The following CFAP299 variants were observed in gnomAD, a reference collection of about 807,000 sequenced individuals.
The protein encoded by CFAP299 is cilia and flagella associated protein 299.
A neutral mutation model predicts 27.0 loss-of-function variants in CFAP299; 21 were observed. That is an observed-to-expected ratio of 0.78 (90% CI 0.55 to 1.12). CFAP299 has a LOEUF of 1.12. Ranked by LOEUF, CFAP299 falls within the 50% of genes most tolerant of loss-of-function variation. CFAP299 has a pLI of 0.00. For synonymous variants in CFAP299, 104 were observed against 98.1 expected, an observed-to-expected ratio of 1.06 and a Z score of -0.36; for missense variants, 310 against 276.6, an observed-to-expected ratio of 1.12 and a Z score of -0.86.
intron 2 of CFAP299, among the ~76,000 whole-genome samples, chr4:80,373,447 AT>A (rs913557617): frequency 3.3e-5 from 5 of 152,138 alleles, no homozygotes; most frequent in East Asian, 1.9e-4. Flanking sequence ...GTGGTCACAT[AT>A]TTAGTCAACA....
At chr4:80,932,313 A>G (rs1467597869) in intron 4 of CFAP299, among the ~76,000 whole-genome samples, 5 of 152,182 alleles carry the variant, frequency 3.3e-5, no homozygotes, top group African/African-American at 1.2e-4. Context: ...ATATCCATAT[A>G]TTAAATTTCA....
chr4:80,387,875 G>T, intron 2 of CFAP299: 1 of 1,134,224 alleles, frequency 8.8e-7, no homozygotes, highest in Non-Finnish European at 1.3e-6. Flanking sequence ...AGCATTGGTG[G>T]AGAGTCAAAG....
At chr4:80,868,312 T>G (rs1230056144) in intron 3 of CFAP299, among the ~76,000 whole-genome samples, 1 of 152,222 alleles carries the variant, frequency 6.6e-6, no homozygotes, top group African/African-American at 2.4e-5. Flanking sequence ...CTGCAGAATT[T>G]CTTTGAGCAA....
intron 2 of CFAP299, among the ~76,000 whole-genome samples, chr4:80,391,195 A>G (rs1186344115): frequency 6.6e-6 from 1 of 152,110 alleles, no homozygotes; most frequent in Non-Finnish European, 1.5e-5. Flanking sequence ...GGGAGTGCAG[A>G]TATCTTTTCA....
chr4:80,664,871 G>A (rs1741069068), intron 3 of CFAP299, among the ~76,000 whole-genome samples: 1 of 152,120 alleles, frequency 6.6e-6, no homozygotes, highest in African/African-American at 2.4e-5. Context: ...GGCACCCAAG[G>A]GAATCTCTGT....
chr4:80,914,992 T>A (rs932878585), intron 4 of CFAP299, among the ~76,000 whole-genome samples: 1 of 152,004 alleles, frequency 6.6e-6, no homozygotes, highest in Non-Finnish European at 1.5e-5. Context: ...TATTATTTTA[T>A]TTTTTTCTTA....
chr4:80,686,479 C>CAAAA (rs1051937921), intron 3 of CFAP299, among the ~76,000 whole-genome samples: 1 of 152,124 alleles, frequency 6.6e-6, no homozygotes, highest in Non-Finnish European at 1.5e-5. Context: ...CTGACTTCTT[C>CAAAA]AAAACATCAG....
intron 2 of CFAP299, among the ~76,000 whole-genome samples, chr4:80,568,749 T>A (rs1258893906): frequency 6.6e-6 from 1 of 152,016 alleles, no homozygotes; most frequent in African/African-American, 2.4e-5. Context: ...GAGCACATGA[T>A]TTTTGAGTCT....
intron 4 of CFAP299, among the ~76,000 whole-genome samples, chr4:80,939,982 A>C (rs1206571526): frequency 2.6e-5 from 4 of 152,136 alleles, no homozygotes; most frequent in Admixed American, 1.3e-4. Flanking sequence ...TGAAGTATTT[A>C]ATCTTGTATA....
At chr4:80,326,587 G>A in the CFAP299 span, among the ~76,000 whole-genome samples, 2 of 152,138 alleles carry the variant, frequency 1.3e-5, no homozygotes, top group Admixed American at 6.5e-5. Context: ...ATGGCCAATC[G>A]CAATAGAAAA....
intron 3 of CFAP299, among the ~76,000 whole-genome samples, chr4:80,753,066 C>T (rs1725027369): frequency 6.6e-6 from 1 of 151,906 alleles, no homozygotes; most frequent in Non-Finnish European, 1.5e-5. Context: ...AATGCCTTCC[C>T]TTATTCCATT....
At chr4:80,407,642 A>G (rs2110057311) in intron 2 of CFAP299, among the ~76,000 whole-genome samples, 1 of 152,320 alleles carries the variant, frequency 6.6e-6, no homozygotes, top group East Asian at 1.9e-4. Context: ...GGGTGAAGAA[A>G]TAGATTCCAC....
chr4:80,345,168 G>C (rs564102225), intron 1 of CFAP299, among the ~76,000 whole-genome samples: 26 of 152,086 alleles, frequency 1.7e-4, no homozygotes, highest in African/African-American at 2.7e-4. Context: ...AGAAATGAAG[G>C]GTTTTCAAAT....
At chr4:80,729,472 C>T (rs777519869) in intron 3 of CFAP299, among the ~76,000 whole-genome samples, 92 of 151,960 alleles carry the variant, frequency 6.1e-4, no homozygotes, top group Non-Finnish European at 1.2e-3. Flanking sequence ...ATAAAAAGAC[C>T]GTGGCTTCCT....
chr4:80,900,770 T>TAAA (rs745727324), intron 4 of CFAP299, among the ~76,000 whole-genome samples: 1 of 151,802 alleles, frequency 6.6e-6, no homozygotes, highest in African/African-American at 2.4e-5. Context: ...ATAATAATAA[T>TAAA]AAACAGGGCT....
chr4:80,815,545 G>A (rs1729378802), intron 3 of CFAP299, among the ~76,000 whole-genome samples: 1 of 151,980 alleles, frequency 6.6e-6, no homozygotes, highest in Admixed American at 6.6e-5. Context: ...AAGCGGCACA[G>A]AATAATGAGG....
rs371058207 is a variant in CFAP299, at chr4:80,690,668, A to G, written c.333+107485A>G. On this transcript the variant is annotated intron_variant, in intron 3 of 5. Transcript: ENST00000358105. Reference sequence around the variant, plus strand: ...CAAGAACAAACACATTCAAAAGCTAACAGAAGGCAAGAAATAACTAAAATC... The same window carrying G: ...CAAGAACAAACACATTCAAAAGCTAGCAGAAGGCAAGAAATAACTAAAATC... Among the ~76,000 whole-genome samples, 3 of 151,946 alleles carry G rather than the reference A, an allele frequency of 2.0e-5. No individual in the cohort carries two copies. The South Asian group carries it at 6.2e-4, about 32-fold the overall frequency.
intron 5 of CFAP299, among the ~76,000 whole-genome samples, chr4:80,955,259 T>C (rs974154617): frequency 1.3e-5 from 2 of 152,126 alleles, no homozygotes; most frequent in African/African-American, 4.8e-5. Flanking sequence ...GAGCAATGCT[T>C]AGAATGAGTT....
chr4:80,870,630 C>G lies in CFAP299; in HGVS notation c.476+495C>G, dbSNP rs1056555539. On this transcript the variant is annotated intron_variant, in intron 4 of 5. Coordinates refer to ENST00000358105, the MANE Select transcript of CFAP299 (RefSeq NM_152770.3). The stretch of plus-strand genomic sequence containing the variant: ...AATGCTTGCCTTTTATTCTAGAACC[C>G]TTATCTATCACCTAGCATCTACCCT... 5.0e-5 allele frequency: 49 copies of G among 985,828 alleles called. No individual in the cohort carries two copies. In the African/African-American group the frequency reaches 7.3e-4, roughly 15 times the overall value. 61.1% of individuals were successfully genotyped at this position (985,828 alleles called of 1,614,324 possible). A position where few individuals can be genotyped will look rare whatever the true frequency, so the allele number is the denominator to read the frequency against.
Sources: gnomAD v4.1 joint callset for allele counts (sites outside exome capture counted in the v4.1 genomes callset) on GRCh38, gnomAD v4.1.1 for gene constraint, MANE v1.5 for transcripts, NCBI Gene and HGNC (gene_info 2026-07-23, HGNC 2026-07-21) for gene names.